The following NME7 variants were observed in gnomAD, a reference collection of about 807,000 sequenced individuals.
NME7 encodes the protein NME/NM23 family member 7.
NME7 carries 41 observed loss-of-function variants against 49.1 expected under a neutral mutation model. That is an observed-to-expected ratio of 0.83 (90% CI 0.65 to 1.08). NME7 has a LOEUF of 1.08. Ranked by LOEUF, NME7 falls within the 50% of genes least tolerant of loss-of-function variation. The pLI is 0.00. For synonymous variants in NME7, 139 were observed against 150.6 expected (o/e 0.92, Z 0.56); for missense variants, 423 against 463.4 (o/e 0.91, Z 0.80).
At chr1:169,356,818 A>G (rs1223612660) in intron 1 of NME7, among the ~76,000 whole-genome samples, 1 of 152,200 alleles carries the variant, frequency 6.6e-6, no homozygotes, top group African/African-American at 2.4e-5. Context: ...TAGGGAATCA[A>G]TGTTGACATT....
chr1:169,148,732 C>T (rs1658828254), intron 11 of NME7, among the ~76,000 whole-genome samples: 1 of 152,174 alleles, frequency 6.6e-6, no homozygotes, highest in Admixed American at 6.5e-5. Flanking sequence ...TCTTTCTCCT[C>T]AGTCTTCCAG....
chr1:169,164,893 G>T (rs77450015), intron 11 of NME7, among the ~76,000 whole-genome samples: 2,209 of 152,242 alleles, frequency 0.015, 49 homozygotes, highest in African/African-American at 0.048. Flanking sequence ...CTATATGAGG[G>T]TATCTACTTT....
At chr1:169,235,082 T>C (rs777498247) in intron 9 of NME7, 49 bp downstream of exon 9, 17 of 1,092,660 alleles carry the variant, frequency 1.6e-5, no homozygotes, top group Non-Finnish European at 2.2e-5. Context: ...CTGCATCCTA[T>C]ACTTTTCACT....
chr1:169,279,288 G>C (rs2101885694), intron 7 of NME7, among the ~76,000 whole-genome samples: 1 of 152,344 alleles, frequency 6.6e-6, no homozygotes, highest in South Asian at 2.1e-4. Context: ...TCTGCCCCCA[G>C]AGGTGGAGCC....
At chr1:169,175,839 C>A (rs1237037190) in intron 10 of NME7, among the ~76,000 whole-genome samples, 1 of 152,092 alleles carries the variant, frequency 6.6e-6, no homozygotes, top group South Asian at 2.1e-4. Context: ...CCTAGTAACC[C>A]TAAAACAGCT....
At chr1:169,157,592 A>G (rs1326080162) in intron 11 of NME7, among the ~76,000 whole-genome samples, 9 of 152,212 alleles carry the variant, frequency 5.9e-5, no homozygotes, top group Admixed American at 5.2e-4. Flanking sequence ...CTGGGTAATC[A>G]ATCAGGTCAT....
rs779879166 is a variant in NME7 at position 169,298,726 on chromosome 1, C to T, written c.478G>A (p.Ala160Thr). The change falls in exon 6 of 12, where the codon GCC becomes ACC. Residue 160 changes from alanine (A) to threonine (T), a missense_variant. Transcript: ENST00000367811. ...GCATCATCTCTTAAAATCTCCATGG[C>T]AATAATAGGACCAGTTGTAATAAAC... is the stretch of plus-strand genomic sequence containing the variant. ...IQFITTGPII[A>T]MEILRDDAIC... The T allele has an allele frequency of 6.2e-7, 1 of 1,613,696 alleles. No homozygotes were observed. Among genetic ancestry groups the T allele is most frequent in the Non-Finnish European group, 8.5e-7 (1 of 1,179,814 alleles).
intron 10 of NME7, among the ~76,000 whole-genome samples, chr1:169,216,910 G>A (rs925413331): frequency 6.6e-6 from 1 of 152,176 alleles, no homozygotes; most frequent in Non-Finnish European, 1.5e-5. Flanking sequence ...AAGAATAACA[G>A]ATTTTTTTTG....
At chr1:169,255,805 T>C (rs1252471787) in intron 7 of NME7, among the ~76,000 whole-genome samples, 2 of 130,276 alleles carry the variant, frequency 1.5e-5, no homozygotes, top group Non-Finnish European at 3.6e-5. Context: ...AAGTATTTTA[T>C]TTCTCCTTCG....
chr1:169,156,832 A>C (rs1169548968), intron 11 of NME7, among the ~76,000 whole-genome samples: 1 of 152,204 alleles, frequency 6.6e-6, no homozygotes. Flanking sequence ...ACCAATGCTG[A>C]TGAAATACTA....
chr1:169,328,239 G>C (rs1347362024), intron 1 of NME7, among the ~76,000 whole-genome samples: 2 of 152,172 alleles, frequency 1.3e-5, no homozygotes, highest in South Asian at 2.1e-4. Flanking sequence ...GAGTCCAAAA[G>C]ACCTGGGCAA....
At chr1:169,250,682 C>G (rs567683270) in intron 7 of NME7, among the ~76,000 whole-genome samples, 1 of 152,148 alleles carries the variant, frequency 6.6e-6, no homozygotes, top group East Asian at 1.9e-4. Flanking sequence ...TCAATATTAT[C>G]ATTCCTTTCA....
At chr1:169,274,535 G>A (rs1466437949) in intron 7 of NME7, among the ~76,000 whole-genome samples, 2 of 133,628 alleles carry the variant, frequency 1.5e-5, no homozygotes, top group African/African-American at 5.1e-5. Context: ...ACATGAAGTC[G>A]TCGCCTATGC....
At chr1:169,301,075 A>G (rs990474431) in intron 5 of NME7, among the ~76,000 whole-genome samples, 4 of 152,094 alleles carry the variant, frequency 2.6e-5, no homozygotes, top group Non-Finnish European at 5.9e-5. Flanking sequence ...GAAAACAAAA[A>G]TTGACGAGTG....
rs1428877160 is a variant in NME7 at position 169,278,266 on chromosome 1, A to G, written c.754+9037T>C. Among the ~76,000 whole-genome samples the G allele has an allele frequency of 2.0e-5, 3 of 150,460 alleles. No individual in the cohort carries two copies. In the East Asian group the frequency reaches 5.9e-4, roughly 30 times the overall value. ...TCGTTTGGGGAAGTTCTCCTGGATA[A>G]TATCCTGCAGAGTGTTTTCCAACTT... On this transcript the variant is annotated intron_variant, in intron 7 of 11. Transcript: ENST00000367811.
At chr1:169,308,977 C>T (rs973949757) in intron 4 of NME7, among the ~76,000 whole-genome samples, 1 of 151,946 alleles carries the variant, frequency 6.6e-6, no homozygotes, top group Admixed American at 6.6e-5. Flanking sequence ...ACAGTAAATC[C>T]TCTTGTCAAA....
intron 11 of NME7, among the ~76,000 whole-genome samples, chr1:169,165,977 C>A (rs1009533738): frequency 2.6e-5 from 4 of 152,214 alleles, no homozygotes; most frequent in African/African-American, 9.6e-5. Context: ...TTAATGTACA[C>A]TGAAATCTCC....
At chr1:169,296,511 C>T (rs1650713575) in intron 6 of NME7, among the ~76,000 whole-genome samples, 1 of 151,834 alleles carries the variant, frequency 6.6e-6, no homozygotes, top group Non-Finnish European at 1.5e-5. Context: ...GTCCTCTTTA[C>T]TTCTCTATCT....
In NME7 at chr1:169,143,430, A is replaced by G. The variant is rs35207260; in HGVS notation, c.1099-10613T>C. Reference sequence around the variant, plus strand: ...ACACTCATTTCAGGCCTCAGTTCAAATGCCATTTGCTAAAGGAAACCTTTC... The same window carrying G: ...ACACTCATTTCAGGCCTCAGTTCAAGTGCCATTTGCTAAAGGAAACCTTTC... On this transcript the variant is annotated intron_variant, in intron 11 of 11. Coordinates refer to ENST00000367811, the MANE Select transcript of NME7 (RefSeq NM_013330.5). 0.056 allele frequency among the ~76,000 whole-genome samples: 8,575 copies of G among 152,180 alleles called. 1,153 individuals carry two copies. In the East Asian group the frequency reaches 0.6, roughly 11 times the overall value.
Sources: gnomAD v4.1 joint callset for allele counts (sites outside exome capture counted in the v4.1 genomes callset) on GRCh38, gnomAD v4.1.1 for gene constraint, MANE v1.5 for transcripts, NCBI Gene and HGNC (gene_info 2026-07-23, HGNC 2026-07-21) for gene names.